The following SLC9A1 variants were observed in gnomAD, a reference collection of about 807,000 sequenced individuals.
The protein encoded by SLC9A1 is sodium/hydrogen exchanger 1.
A neutral mutation model predicts 67.9 loss-of-function variants in SLC9A1; 22 were observed. The ratio of observed to expected loss-of-function variants is 0.32; its 90% CI spans 0.23 to 0.46. The LOEUF (loss-of-function observed/expected upper bound fraction) is 0.46, where lower values mean the gene tolerates loss of function less well. SLC9A1 is among the 20% of genes least tolerant of loss of function. The pLI, the probability that SLC9A1 is intolerant of heterozygous loss-of-function variation, is 1.00. For missense variants in SLC9A1, 686 were observed against 1,094.8 expected (o/e 0.63, Z 5.27); for synonymous variants, 421 against 471.8 (o/e 0.89, Z 1.40).
At chr1:27,119,629 A>G (rs994152621) in intron 1 of SLC9A1, among the ~76,000 whole-genome samples, 1 of 152,218 alleles carries the variant, frequency 6.6e-6, no homozygotes, top group African/African-American at 2.4e-5. Flanking sequence ...GGAAGTCACA[A>G]TTACCATCCC....
chr1:27,144,746 C>T lies in SLC9A1; in HGVS notation c.352+9237G>A, dbSNP rs541878006. Reference sequence around the variant, plus strand: ...TGAACAGGCCAGGCGTGGTGGCTCACGCCTTTAATCTCCGCACTTTGGGAG... The same window carrying T: ...TGAACAGGCCAGGCGTGGTGGCTCATGCCTTTAATCTCCGCACTTTGGGAG... On this transcript the variant is annotated intron_variant, in intron 1 of 11. Transcript: ENST00000263980. 1.1e-3 allele frequency among the ~76,000 whole-genome samples: 164 copies of T among 152,332 alleles called. 1 individual carries two copies. The highest frequency in any genetic ancestry group is 3.8e-3 in the African/African-American group (157 of 41,574).
rs1335273984 is a variant in SLC9A1, at chr1:27,106,508, C to T, written c.1283-421G>A. Reference sequence around the variant, plus strand: ...AATGCAGAGGGCTGGGCCCAACCTCCACCCACAGAACCAGAATCCCTGGAG... The same window carrying T: ...AATGCAGAGGGCTGGGCCCAACCTCTACCCACAGAACCAGAATCCCTGGAG... On this transcript the variant is annotated intron_variant, in intron 4 of 11. Coordinates refer to ENST00000263980, the MANE Select transcript of SLC9A1 (RefSeq NM_003047.5). This position sits in a 1 kb window ranked among gnomAD's most constrained non-coding sequence, Gnocchi z 4.3. 1.3e-5 allele frequency among the ~76,000 whole-genome samples: 2 copies of T among 152,152 alleles called. No homozygotes were observed. The highest frequency in any genetic ancestry group is 2.9e-5 in the Non-Finnish European group (2 of 68,016).
rs1369745410 is a variant in SLC9A1, at chr1:27,101,525, C to T, written c.2037+200G>A. 1.3e-5 allele frequency among the ~76,000 whole-genome samples: 2 copies of T among 152,214 alleles called. No homozygotes were observed. The highest frequency in any genetic ancestry group is 1.3e-4 in the Admixed American group (2 of 15,284). ...ATCCACCCATTCCTCTGTCCCCTGC[C>T]ACTGCCCTAACCCAGGCCATGCCCC... On this transcript the variant is annotated intron_variant, in intron 10 of 11. Coordinates refer to ENST00000263980, the MANE Select transcript of SLC9A1 (RefSeq NM_003047.5). The surrounding 1 kb of genome is among the most constrained non-coding windows in gnomAD (Gnocchi z 4.9).
At chr1:27,125,943 A>G (rs113873107) in intron 1 of SLC9A1, among the ~76,000 whole-genome samples, 2 of 152,118 alleles carry the variant, frequency 1.3e-5, no homozygotes, top group African/African-American at 2.4e-5. Context: ...CAGGGACTAC[A>G]TCCCCCTCCG....
Position 27,100,330 on chromosome 1 carries a change from G to T in SLC9A1, c.2425C>A (p.Pro809Thr). ...GPHPEPGEGE[P>T]FFPKGQ ...TGTTACTGCCCCTTGGGGAAGAACG[G>T]TTCTCCCTCCCCAGGCTCAGGGTGT... is the stretch of plus-strand genomic sequence containing the variant. Residue 809 changes from proline (P) to threonine (T), a missense_variant, in exon 12 of 12, where the codon CCG becomes ACG. By Grantham distance (38) the Pro-to-Thr change is conservative. Transcript: ENST00000263980. The surrounding 1 kb of genome is among the most constrained non-coding windows in gnomAD (Gnocchi z 5.6). 1 of 1,535,360 alleles carries T rather than the reference G, an allele frequency of 6.5e-7. No homozygotes were observed.
intron 1 of SLC9A1, among the ~76,000 whole-genome samples, chr1:27,148,210 A>C (rs1394385136): frequency 1.3e-5 from 2 of 152,162 alleles, no homozygotes; most frequent in Non-Finnish European, 2.9e-5. Flanking sequence ...CTCCATTTCA[A>C]AGATTTGCTG....
chr1:27,105,410 C>T (rs2083176612), intron 5 of SLC9A1: 2 of 344,898 alleles, frequency 5.8e-6, no homozygotes, highest in African/African-American at 2.1e-5. Context: ...AGTGATTCTC[C>T]TGCCTCAGCC....
rs1483956066 is a variant in SLC9A1 at position 27,154,168 on chromosome 1, G to A, written c.167C>T (p.Ser56Leu). 3 of 1,614,000 alleles carry A rather than the reference G, an allele frequency of 1.9e-6. No individual in the cohort carries two copies. Among genetic ancestry groups the A allele is most frequent in the Non-Finnish European group, 2.5e-6 (3 of 1,180,004 alleles). The part of the protein sequence containing the change: ...IRSSEPPRER[S>L]IGDVTTAPPE... ...TGGAGCGGTGGTGACATCCCCAATCGAGCGTTCTCGTGGTGGCTCTGAGCT... is the reference window on the plus strand; with the variant it reads ...TGGAGCGGTGGTGACATCCCCAATCAAGCGTTCTCGTGGTGGCTCTGAGCT... The change falls in exon 1 of 12, where the codon TCG (serine) becomes TTG (leucine). Residue 56 changes from serine (S) to leucine (L), a missense_variant. Coordinates refer to ENST00000263980, the MANE Select transcript of SLC9A1 (RefSeq NM_003047.5).
At position 27,101,354 on chromosome 1, in the gene SLC9A1, AC is replaced by A; in HGVS notation, c.2038-80del. 1 of 1,123,540 alleles carries A rather than the reference AC, an allele frequency of 8.9e-7. No homozygotes were observed. Among genetic ancestry groups the A allele is most frequent in the Non-Finnish European group, 1.3e-6 (1 of 754,346 alleles). 69.6% of individuals were successfully genotyped at this position (1,123,540 alleles called of 1,614,324 possible). Reference sequence around the variant, plus strand: ...TCAGGACAGAACCCGGCCAGTGCACACCCCACCTTTCGTATATGCAGGGCGC... The same window carrying A: ...TCAGGACAGAACCCGGCCAGTGCACACCCACCTTTCGTATATGCAGGGCGC... On this transcript the variant is annotated intron_variant, in intron 10 of 11. Transcript: ENST00000263980. This position sits in a 1 kb window ranked among gnomAD's most constrained non-coding sequence, Gnocchi z 4.9.
chr1:27,107,492 A>G (rs1049232947), intron 4 of SLC9A1, among the ~76,000 whole-genome samples, 156 bp downstream of exon 4: 1 of 149,996 alleles, frequency 6.7e-6, no homozygotes, highest in African/African-American at 2.5e-5. Context: ...CAGCCCCTCC[A>G]CACAATACTT....
At position 27,101,914 on chromosome 1, in the gene SLC9A1, C is replaced by A. The variant is rs1426953537; in HGVS notation, c.1936-88G>T. The A allele has an allele frequency of 5.6e-6, 8 of 1,424,936 alleles. No homozygotes were observed. The highest frequency in any genetic ancestry group is 3.4e-5 in the Admixed American group (2 of 59,566). The allele number at this position is 1,424,936 out of a possible 1,614,324, so 88.3% of individuals were successfully genotyped here. On this transcript the variant is annotated intron_variant, in intron 9 of 11. Transcript: ENST00000263980. This position sits in a 1 kb window ranked among gnomAD's most constrained non-coding sequence, Gnocchi z 4.9. ...GGGCAGTGCTGGAGGCCGGGCCAGT[C>A]CTGGGGTGGGTGCCGAGGGGCACGG...
At chr1:27,125,568 AG>A (rs1277246733) in intron 1 of SLC9A1, among the ~76,000 whole-genome samples, 2 of 146,376 alleles carry the variant, frequency 1.4e-5, no homozygotes, top group African/African-American at 2.5e-5. Context: ...CTTGCCCCCC[AG>A]GCTCTTCCTA....
At position 27,101,130 on chromosome 1, in the gene SLC9A1, TC is replaced by T. The variant is rs969645354; in HGVS notation, c.2110+72del. ...TGTCCTCCCAGTGGCTGAGGACTGT[TC>T]CTGTGGAGCCCCATCCTCAGGAGGT... On this transcript the variant is annotated intron_variant, in intron 11 of 11. Transcript: ENST00000263980. This position sits in a 1 kb window ranked among gnomAD's most constrained non-coding sequence, Gnocchi z 4.9. 8.4e-7 allele frequency: 1 copy of T among 1,189,884 alleles called. No homozygotes were observed. The allele number at this position is 1,189,884 out of a possible 1,614,324, so 73.7% of individuals were successfully genotyped here.
At position 27,100,394 on chromosome 1, in the gene SLC9A1, G is replaced by T; in HGVS notation, c.2361C>A (p.Ser787Arg). 6.3e-7 allele frequency: 1 copy of T among 1,599,636 alleles called. No individual in the cohort carries two copies. Among genetic ancestry groups the T allele is most frequent in the Non-Finnish European group, 8.5e-7 (1 of 1,172,366 alleles). ...VFTPAPSDSP[S>R]SQRIQRCLSD... ...TGAGGCAGCGCTGTATCCTCTGGGAGCTGGGGCTGTCACTGGGCGCGGGGG... is the reference window on the plus strand; with the variant it reads ...TGAGGCAGCGCTGTATCCTCTGGGATCTGGGGCTGTCACTGGGCGCGGGGG... Residue 787 changes from serine (S) to arginine (R), a missense_variant, in exon 12 of 12, where the codon AGC becomes AGA. By Grantham distance (110) the Ser-to-Arg change is moderately radical. Around this residue, in one of 7 missense-constraint regions of SLC9A1, gnomAD observed 226 missense variants for 282.4 expected, o/e 0.80. Transcript: ENST00000263980. This position sits in a 1 kb window ranked among gnomAD's most constrained non-coding sequence, Gnocchi z 5.6.
intron 1 of SLC9A1, among the ~76,000 whole-genome samples, chr1:27,149,351 C>T (rs911503627): frequency 6.6e-6 from 1 of 152,216 alleles, no homozygotes; most frequent in African/African-American, 2.4e-5. Flanking sequence ...GAGCCATTTC[C>T]TCATCTGCAA....
At chr1:27,111,633 AAAATAAAT>A (rs6143171) in intron 2 of SLC9A1, among the ~76,000 whole-genome samples, 3 of 150,408 alleles carry the variant, frequency 2.0e-5, no homozygotes, top group Admixed American at 6.6e-5. Flanking sequence ...CCATATCTAC[AAAATAAAT>A]AAATAAATAA....
intron 1 of SLC9A1, among the ~76,000 whole-genome samples, chr1:27,121,921 G>A (rs763169350): frequency 1.3e-5 from 2 of 152,062 alleles, no homozygotes; most frequent in African/African-American, 2.4e-5. Flanking sequence ...TCAGGAGTTC[G>A]AGATTAGCCT....
rs748391378 is a variant in SLC9A1, at chr1:27,109,518, C to T, written c.1064+9G>A. The T allele has an allele frequency of 6.2e-7, 1 of 1,612,374 alleles. No individual in the cohort carries two copies. The highest frequency in any genetic ancestry group is 8.5e-7 in the Non-Finnish European group (1 of 1,179,840). ...CGCCAAGCCCACTGCCTGCTGCACG[C>T]AGACTCACGCCATGATGCCTGACAG... is the stretch of plus-strand genomic sequence containing the variant. On this transcript the variant is annotated intron_variant, in intron 3 of 11. Coordinates refer to ENST00000263980, the MANE Select transcript of SLC9A1 (RefSeq NM_003047.5). This position sits in a 1 kb window ranked among gnomAD's most constrained non-coding sequence, Gnocchi z 5.5.
chr1:27,143,777 C>T (rs2083465947), intron 1 of SLC9A1, among the ~76,000 whole-genome samples: 1 of 152,216 alleles, frequency 6.6e-6, no homozygotes, highest in Non-Finnish European at 1.5e-5. Flanking sequence ...ACCCAGGTCC[C>T]CAGTTACCAG....
Sources: gnomAD v4.1 joint callset for allele counts (sites outside exome capture counted in the v4.1 genomes callset) on GRCh38, gnomAD v4.1.1 for gene constraint, gnomAD v4.1.1 regional missense constraint, Gnocchi (gnomAD v3.1) non-coding constraint, MANE v1.5 for transcripts, NCBI Gene and HGNC (gene_info 2026-07-23, HGNC 2026-07-21) for gene names.